The following CDC25B variants were observed in gnomAD, a reference collection of about 807,000 sequenced individuals.
The protein encoded by CDC25B is cell division cycle 25B.
In CDC25B, 33 loss-of-function variants were observed where a neutral mutation model predicts 69.8. That is an observed-to-expected ratio of 0.47 (90% CI 0.36 to 0.63). The LOEUF (loss-of-function observed/expected upper bound fraction) is 0.63, where lower values mean the gene tolerates loss of function less well. Ranked by LOEUF, CDC25B falls within the 30% of genes least tolerant of loss-of-function variation. The probability of loss-of-function intolerance (pLI) is 0.00; values close to 1 mark genes in which losing one functional copy is unlikely to be tolerated. For synonymous variants in CDC25B, 341 were observed against 314.6 expected (o/e 1.08, Z -0.89); for missense variants, 727 against 809.1 (o/e 0.90, Z 1.23).
intron 4 of CDC25B, 65 bp from the exon 5 acceptor site, chr20:3,800,397 G>A: frequency 6.2e-7 from 1 of 1,612,666 alleles, no homozygotes; most frequent in Non-Finnish European, 8.5e-7. Flanking sequence ...AGAAGGGCAT[G>A]CTGCATGCTC....
upstream of CDC25B, among the ~76,000 whole-genome samples, chr20:3,792,076 GC>G (rs1240846173): frequency 6.6e-6 from 1 of 151,894 alleles, no homozygotes; most frequent in Non-Finnish European, 1.5e-5. Context: ...ACCATGCCTG[GC>G]TAATTTTTGT....
In CDC25B at chr20:3,804,435, G is replaced by A. The variant is rs1004004579; in HGVS notation, c.1491-134G>A. 4.9e-5 allele frequency: 32 copies of A among 653,712 alleles called. No homozygotes were observed. In the Middle Eastern group the frequency reaches 3.2e-3, roughly 65 times the overall value. 40.5% of individuals were successfully genotyped at this position (653,712 alleles called of 1,614,324 possible). On this transcript the variant is annotated intron_variant, in intron 14 of 15. Coordinates refer to ENST00000245960, the MANE Select transcript of CDC25B (RefSeq NM_021873.4). ...CAGAGTGACCTAAAAGTGTTCTTGT[G>A]GTTACATTCCTGTGCTCTAAAGCTT... is the stretch of plus-strand genomic sequence containing the variant.
At chr20:3,795,971 G>A (rs931382006), upstream of CDC25B, 3 of 989,088 alleles carry the variant, frequency 3.0e-6, no homozygotes, top group African/African-American at 5.2e-5. Context: ...CCCATCCCTA[G>A]CGGTGATCCC....
At chr20:3,793,616 T>C (rs2088952901), upstream of CDC25B, among the ~76,000 whole-genome samples, 1 of 150,712 alleles carries the variant, frequency 6.6e-6, no homozygotes, top group African/African-American at 2.4e-5. Context: ...ATTATTATTA[T>C]ACTTTAAGTT....
chr20:3,800,390 A>C, intron 4 of CDC25B, 61 bp downstream of exon 4: 1 of 1,612,482 alleles, frequency 6.2e-7, no homozygotes. Context: ...GGGCTCCAGA[A>C]GGGCATGCTG....
intron 1 of CDC25B, 149 bp downstream of exon 1, chr20:3,796,880 C>T (rs997774774): frequency 3.2e-5 from 33 of 1,046,770 alleles, no homozygotes; most frequent in Admixed American, 7.1e-5. Context: ...CTTGTTCCCT[C>T]CTAGGGGCCC....
Position 3,800,322 on chromosome 20 carries a change from A to G in CDC25B, c.415A>G (p.Ile139Val), listed in dbSNP as rs1284511439. 5.6e-6 allele frequency: 9 copies of G among 1,614,036 alleles called. No individual in the cohort carries two copies. The highest frequency in any genetic ancestry group is 7.6e-6 in the Non-Finnish European group (9 of 1,180,030). ...GGCCATCCAGGCAGCCAGCCGGATC[A>G]TTCGAAAGTAAGTGTTCCTGGGCCT... ...EQAIQAASRIIRNEQFAIRRF... is the reference protein window; with the variant it reads ...EQAIQAASRIVRNEQFAIRRF... Residue 139 changes from isoleucine (I) to valine (V), a missense_variant, in exon 4 of 16, where the codon ATT (isoleucine) becomes GTT (valine). Ile to Val is a conservative substitution (Grantham distance 29). This residue lies in a region of CDC25B where 368 missense variants were observed against 345.6 expected (regional missense o/e 1.06). Coordinates refer to ENST00000245960, the MANE Select transcript of CDC25B (RefSeq NM_021873.4).
intron 9 of CDC25B, 49 bp from the exon 10 acceptor site, chr20:3,801,875 A>T (rs1427476296): frequency 6.3e-7 from 1 of 1,584,680 alleles, no homozygotes; most frequent in African/African-American, 1.3e-5. Flanking sequence ...GATTTGAGGG[A>T]TGGGACGGGG....
At chr20:3,795,721 T>C (rs3761219), upstream of CDC25B, 622,226 of 985,182 alleles carry the variant, frequency 0.63, 198,960 homozygotes, top group African/African-American at 0.89. Flanking sequence ...GCTGGGCGCT[T>C]CTCCTGCGAA....
intron 1 of CDC25B, among the ~76,000 whole-genome samples, chr20:3,789,683 T>A (rs1185683163): frequency 6.6e-6 from 1 of 151,542 alleles, no homozygotes; most frequent in African/African-American, 2.4e-5. Flanking sequence ...AAAATAATAA[T>A]AAATAATAAA....
intron 5 of CDC25B, 51 bp downstream of exon 5, chr20:3,800,549 G>C (rs924314061): frequency 6.2e-7 from 1 of 1,604,004 alleles, no homozygotes; most frequent in Non-Finnish European, 8.5e-7. Flanking sequence ...GCCAGGCATG[G>C]GGTAGATGAG....
chr20:3,796,784 C>T (rs2089072529), intron 1 of CDC25B, 53 bp downstream of exon 1: 2 of 1,507,506 alleles, frequency 1.3e-6, no homozygotes, highest in East Asian at 2.6e-5. Flanking sequence ...GGTCTGGAGT[C>T]CTGGGCCTCC....
chr20:3,803,137 C>T lies in CDC25B; in HGVS notation c.1287C>T (p.Ser429=). 1 of 1,614,002 alleles carries T rather than the reference C, an allele frequency of 6.2e-7. No homozygotes were observed. Residue 429 remains serine (S), a synonymous_variant, in exon 13 of 16, where the codon AGC becomes AGT. Coordinates refer to ENST00000245960, the MANE Select transcript of CDC25B (RefSeq NM_021873.4). This position sits in a 1 kb window ranked among gnomAD's most constrained non-coding sequence, Gnocchi z 4.9. ...TMVALLTGKF[S]NIVDKFVIVD... ...TGGCCCTATTGACGGGCAAGTTCAG[C>T]AACATCGTGGATAAGTTTGTGATTG...
In CDC25B at chr20:3,796,486, G is replaced by C. The variant is rs2089055343; in HGVS notation, c.-46G>C. ...CCAGCTGTGCCGGCGTTTGTTGGCT[G>C]CCCTGCGCCCGGCCCTCCAGCCAGC... is the stretch of plus-strand genomic sequence containing the variant. On this transcript the variant is annotated 5_prime_UTR_variant, in exon 1 of 16. Transcript: ENST00000245960. 2 of 1,463,238 alleles carry C rather than the reference G, an allele frequency of 1.4e-6. No homozygotes were observed. The highest frequency in any genetic ancestry group is 3.0e-5 in the East Asian group (1 of 33,682). The allele number at this position is 1,463,238 out of a possible 1,614,324, so 90.6% of individuals were successfully genotyped here. A position where few individuals can be genotyped will look rare whatever the true frequency, so the allele number is the denominator to read the frequency against.
intron 3 of CDC25B, among the ~76,000 whole-genome samples, chr20:3,799,525 T>TGTGCGCGCGCGCGCGC (rs1211874383): frequency 1.5e-5 from 1 of 68,688 alleles, no homozygotes; most frequent in African/African-American, 4.8e-5. Flanking sequence ...TGTGTGTGTG[T>TGTGCGCGCGCGCGCGC]GCGCGCGCGC....
Sources: gnomAD v4.1 joint callset for allele counts (sites outside exome capture counted in the v4.1 genomes callset) on GRCh38, gnomAD v4.1.1 for gene constraint, gnomAD v4.1.1 regional missense constraint, Gnocchi (gnomAD v3.1) non-coding constraint, MANE v1.5 for transcripts, NCBI Gene and HGNC (gene_info 2026-07-23, HGNC 2026-07-21) for gene names.